The following THSD7A variants were observed in gnomAD, a reference collection of about 807,000 sequenced individuals.
THSD7A encodes thrombospondin type-1 domain-containing protein 7A.
THSD7A carries 96 observed loss-of-function variants against 231.3 expected under a neutral mutation model. That is an observed-to-expected ratio of 0.41 (90% confidence interval 0.35 to 0.49). The LOEUF is 0.49. Among genes scored for constraint, THSD7A ranks in the 20% least tolerant of loss-of-function variants. THSD7A has a pLI of 0.05. For synonymous variants in THSD7A, 940 were observed against 743.3 expected (o/e 1.26, Z -4.30); for missense variants, 2,290 against 2,070.2 (o/e 1.11, Z -2.06).
At chr7:11,721,964 G>C (rs531137026) in intron 1 of THSD7A, among the ~76,000 whole-genome samples, 1 of 151,414 alleles carries the variant, frequency 6.6e-6, no homozygotes, top group Non-Finnish European at 1.5e-5. Context: ...CCTTTAATAC[G>C]CTCTTTCCCT....
At position 11,423,370 on chromosome 7, in the gene THSD7A, A is replaced by ATTTTTT. The variant is rs757122867; in HGVS notation, c.3383+1320_3383+1325dup. On this transcript the variant is annotated intron_variant, in intron 16 of 27. Transcript: ENST00000423059. ...CATAACATGGGTTGCCGAGTGCTGGATTTTTTTTTTTTTTTTGAGATGGAG... is the reference window on the plus strand; with the variant it reads ...CATAACATGGGTTGCCGAGTGCTGGATTTTTTTTTTTTTTTTTTTTTTGAGATGGAG... 5.9e-5 allele frequency among the ~76,000 whole-genome samples: 8 copies of ATTTTTT among 136,208 alleles called. 1 individual carries two copies. The highest frequency in any genetic ancestry group is 1.9e-4 in the African/African-American group (7 of 36,434). 89.4% of individuals were successfully genotyped at this position (136,208 alleles called of 152,430 possible).
chr7:11,812,580 A>G (rs182212250), intron 1 of THSD7A, among the ~76,000 whole-genome samples: 2 of 152,320 alleles, frequency 1.3e-5, no homozygotes, highest in South Asian at 2.1e-4. Flanking sequence ...ATATTTTTCA[A>G]AACACGTCTG....
chr7:11,625,428 C>G (rs1181999034), intron 2 of THSD7A, among the ~76,000 whole-genome samples: 1 of 152,064 alleles, frequency 6.6e-6, no homozygotes, highest in African/African-American at 2.4e-5. Context: ...AAATACTACT[C>G]AAACAAATTT....
chr7:11,668,453 GA>G (rs1783235802), intron 1 of THSD7A, among the ~76,000 whole-genome samples: 1 of 41,750 alleles, frequency 2.4e-5, no homozygotes, highest in African/African-American at 9.8e-5. Context: ...GAAAGAGAGA[GA>G]GAGAGAAAGA....
At chr7:11,542,189 C>G (rs1334581683) in intron 5 of THSD7A, among the ~76,000 whole-genome samples, 1 of 152,192 alleles carries the variant, frequency 6.6e-6, no homozygotes, top group South Asian at 2.1e-4. Context: ...GAATTAGGAA[C>G]ATAAGCCATG....
At chr7:11,535,334 T>C (rs1360327110) in intron 6 of THSD7A, among the ~76,000 whole-genome samples, 4 of 152,132 alleles carry the variant, frequency 2.6e-5, no homozygotes, top group East Asian at 1.9e-4. Context: ...CAGACACATA[T>C]ACTAACAGAT....
chr7:11,428,615 TATAAGA>T (rs1784391085), intron 14 of THSD7A, among the ~76,000 whole-genome samples: 1 of 152,200 alleles, frequency 6.6e-6, no homozygotes, highest in Non-Finnish European at 1.5e-5. Context: ...TTGGGGAAAC[TATAAGA>T]ATGAGATAAT....
chr7:11,819,813 A>T (rs1784814838), intron 1 of THSD7A, among the ~76,000 whole-genome samples: 1 of 152,158 alleles, frequency 6.6e-6, no homozygotes, highest in Non-Finnish European at 1.5e-5. Flanking sequence ...TAAACCATGG[A>T]CGTTGGTTAA....
rs528386715 is a variant in THSD7A at position 11,624,895 on chromosome 7, T to C, written c.1022+11235A>G. On this transcript the variant is annotated intron_variant, in intron 2 of 27. Transcript: ENST00000423059. The stretch of plus-strand genomic sequence containing the variant: ...ACTACTATGTTCTCCTTCACCTATT[T>C]TGTATTTAATTTTATTATATGGGAT... Among the ~76,000 whole-genome samples the C allele has an allele frequency of 6.6e-5, 10 of 152,266 alleles. No homozygotes were observed. In the East Asian group the frequency reaches 1.7e-3, roughly 26 times the overall value.
intron 13 of THSD7A, among the ~76,000 whole-genome samples, chr7:11,432,522 A>G (rs1485219180): frequency 1.3e-5 from 2 of 152,194 alleles, no homozygotes; most frequent in South Asian, 4.1e-4. Flanking sequence ...CACTGTGTAG[A>G]ATAGTTTTAC....
At chr7:11,414,804 G>GT (rs1783905875) in intron 17 of THSD7A, among the ~76,000 whole-genome samples, 1 of 152,176 alleles carries the variant, frequency 6.6e-6, no homozygotes, top group African/African-American at 2.4e-5. Context: ...AACACTATCT[G>GT]TTTTGACATA....
At chr7:11,765,978 T>C (rs1355603409) in intron 1 of THSD7A, among the ~76,000 whole-genome samples, 2 of 152,182 alleles carry the variant, frequency 1.3e-5, no homozygotes, top group African/African-American at 4.8e-5. Flanking sequence ...TTATAATTAT[T>C]TGGCAAAACA....
chr7:11,442,959 G>C (rs370415076), intron 13 of THSD7A, among the ~76,000 whole-genome samples: 89 of 152,104 alleles, frequency 5.9e-4, no homozygotes, highest in African/African-American at 2.0e-3. Context: ...TTCATGCTGT[G>C]AGTTGACAAT....
At chr7:11,524,268 T>C (rs1206686665) in intron 6 of THSD7A, among the ~76,000 whole-genome samples, 2 of 152,112 alleles carry the variant, frequency 1.3e-5, no homozygotes, top group East Asian at 3.9e-4. Context: ...AGTATTGGCA[T>C]ACATTCTAGA....
chr7:11,627,630 A>G (rs1417654500), intron 2 of THSD7A, among the ~76,000 whole-genome samples: 1 of 152,174 alleles, frequency 6.6e-6, no homozygotes, highest in African/African-American at 2.4e-5. Flanking sequence ...TCAGAATGGG[A>G]GATGTACATA....
intron 26 of THSD7A, 161 bp downstream of exon 26, chr7:11,378,909 G>T (rs1782389725): frequency 4.6e-6 from 3 of 654,584 alleles, no homozygotes; most frequent in Non-Finnish European, 7.6e-6. Context: ...TTTCCATAAT[G>T]ATAGTAAAAA....
chr7:11,607,583 A>C (rs61284262), intron 2 of THSD7A, among the ~76,000 whole-genome samples: 2,772 of 152,114 alleles, frequency 0.018, 83 homozygotes, highest in African/African-American at 0.062. Flanking sequence ...TTCAAGTCAC[A>C]CTTCTTTCTT....
chr7:11,744,354 T>C (rs549732073), intron 1 of THSD7A, among the ~76,000 whole-genome samples: 24 of 152,024 alleles, frequency 1.6e-4, no homozygotes, highest in African/African-American at 5.5e-4. Flanking sequence ...ATAACAGATT[T>C]ATTTGTTTTC....
intron 19 of THSD7A, chr7:11,410,612 T>C (rs2115381347): frequency 6.6e-6 from 1 of 152,342 alleles, no homozygotes; most frequent in Non-Finnish European, 1.5e-5. Context: ...TTCTTCACAT[T>C]TCAGACGCTC....
Sources: allele counts gnomAD v4.1 joint callset (sites outside exome capture counted in the v4.1 genomes callset), GRCh38; gene constraint gnomAD v4.1.1; transcripts MANE v1.5; gene names NCBI Gene and HGNC (gene_info 2026-07-23, HGNC 2026-07-21).